Variants in PRKD1 observed in about 807,000 individuals in gnomAD.
The protein encoded by PRKD1 is protein kinase D1, also known as serine/threonine-protein kinase D1.
A neutral mutation model predicts 95.9 loss-of-function variants in PRKD1; 63 were observed. That is an observed-to-expected ratio of 0.66 (90% confidence interval 0.54 to 0.81). PRKD1 has a LOEUF of 0.81. Ranked by LOEUF, PRKD1 falls within the 30% of genes least tolerant of loss-of-function variation. PRKD1 has a pLI of 0.00. For missense variants in PRKD1, 1,048 were observed against 1,165.3 expected (o/e 0.90, Z 1.47); for synonymous variants, 425 against 423.1 (o/e 1.00, Z -0.05).
At chr14:29,798,205 T>C (rs1889893489) in intron 1 of PRKD1, among the ~76,000 whole-genome samples, 1 of 152,230 alleles carries the variant, frequency 6.6e-6, no homozygotes, top group Admixed American at 6.5e-5. Context: ...AATTTGCCCC[T>C]ATATTTTTTT....
intron 1 of PRKD1, among the ~76,000 whole-genome samples, chr14:29,874,230 C>T (rs1295477601): frequency 6.6e-6 from 1 of 152,050 alleles, no homozygotes; most frequent in Non-Finnish European, 1.5e-5. Flanking sequence ...TGAAAAAGTG[C>T]TCAATATCAC....
intron 1 of PRKD1, among the ~76,000 whole-genome samples, chr14:29,851,024 G>A (rs951928160): frequency 2.0e-5 from 3 of 152,096 alleles, no homozygotes; most frequent in African/African-American, 7.2e-5. Context: ...AATAAATGGT[G>A]GTGGCATAAC....
At chr14:29,719,917 G>C (rs528965530) in intron 2 of PRKD1, among the ~76,000 whole-genome samples, 1 of 152,110 alleles carries the variant, frequency 6.6e-6, no homozygotes, top group Non-Finnish European at 1.5e-5. Flanking sequence ...AAAGTATTCC[G>C]TGAGAAAGTG....
intron 1 of PRKD1, among the ~76,000 whole-genome samples, chr14:29,875,604 G>C (rs144395275): frequency 4.9e-4 from 75 of 152,244 alleles, no homozygotes; most frequent in African/African-American, 1.7e-3. Flanking sequence ...TAAATGACAT[G>C]TTAAAGATAA....
In PRKD1 at chr14:29,666,169, G is replaced by T; in HGVS notation, c.443C>A (p.Ala148Asp). 8 of 1,605,614 alleles carry T rather than the reference G, an allele frequency of 5.0e-6. No individual in the cohort carries two copies. The highest frequency in any genetic ancestry group is 6.8e-6 in the Non-Finnish European group (8 of 1,174,194). ...AGCTCTGTATGAATGAACAAAGAGA[G>T]CGTGGGGACGAATCTGAAAGTCTTC... ...TFEDFQIRPHALFVHSYRAPA... is the reference protein window; with the variant it reads ...TFEDFQIRPHDLFVHSYRAPA... Residue 148 changes from alanine (A) to aspartate (D), a missense_variant, in exon 3 of 18, where the codon GCT (alanine) becomes GAT (aspartate). Physicochemically the swap from Ala to Asp is moderately radical, Grantham distance 126 (BLOSUM62 -2). Transcript: ENST00000331968.
At chr14:29,612,182 A>C (rs897394900) in intron 13 of PRKD1, among the ~76,000 whole-genome samples, 5 of 152,230 alleles carry the variant, frequency 3.3e-5, no homozygotes, top group Non-Finnish European at 7.3e-5. Context: ...GTAATACCTT[A>C]CATCTGTATA....
intron 1 of PRKD1, among the ~76,000 whole-genome samples, chr14:29,813,168 T>C (rs1250042781): frequency 6.6e-6 from 1 of 152,108 alleles, no homozygotes; most frequent in Non-Finnish European, 1.5e-5. Flanking sequence ...AAAATATGCA[T>C]TCTAGAAACC....
chr14:29,654,006 G>T (rs912524964), intron 4 of PRKD1, among the ~76,000 whole-genome samples: 8 of 151,832 alleles, frequency 5.3e-5, no homozygotes, highest in South Asian at 2.1e-4. Context: ...GTTGGGAAGA[G>T]TATAAGGAAA....
chr14:29,801,028 A>G (rs1277372500), intron 1 of PRKD1, among the ~76,000 whole-genome samples: 1 of 152,140 alleles, frequency 6.6e-6, no homozygotes, highest in Non-Finnish European at 1.5e-5. Context: ...AACCTGTATC[A>G]GCCCATTAGT....
At chr14:29,655,653 T>G (rs898246289) in intron 4 of PRKD1, among the ~76,000 whole-genome samples, 1 of 152,172 alleles carries the variant, frequency 6.6e-6, no homozygotes, top group African/African-American at 2.4e-5. Context: ...CTCCTCCACG[T>G]TCACATCATT....
At chr14:29,629,768 G>T (rs1169996865) in intron 10 of PRKD1, among the ~76,000 whole-genome samples, 1 of 151,988 alleles carries the variant, frequency 6.6e-6, no homozygotes, top group Non-Finnish European at 1.5e-5. Context: ...AATGAACAGA[G>T]AATTCTTCCT....
chr14:29,613,967 T>C (rs767869290), intron 13 of PRKD1, among the ~76,000 whole-genome samples: 5 of 152,208 alleles, frequency 3.3e-5, no homozygotes, highest in Admixed American at 2.0e-4. Flanking sequence ...ATAATTATAC[T>C]TTGAATGAAT....
At chr14:29,659,083 C>T (rs1882051325) in intron 4 of PRKD1, among the ~76,000 whole-genome samples, 1 of 152,124 alleles carries the variant, frequency 6.6e-6, no homozygotes, top group Non-Finnish European at 1.5e-5. Flanking sequence ...TTTGCATGTG[C>T]ATAAACCCAT....
At chr14:29,618,874 C>T (rs192319541) in intron 13 of PRKD1, among the ~76,000 whole-genome samples, 1 of 151,770 alleles carries the variant, frequency 6.6e-6, no homozygotes, top group Admixed American at 6.6e-5. Flanking sequence ...TTCCCAAGAA[C>T]AGAAACAAAT....
chr14:29,917,830 T>C (rs143758599), intron 1 of PRKD1, among the ~76,000 whole-genome samples: 71 of 152,210 alleles, frequency 4.7e-4, no homozygotes, highest in African/African-American at 1.6e-3. Context: ...CATAACGCAA[T>C]AGGATCCTTA....
chr14:29,619,582 T>C (rs1489629195), intron 13 of PRKD1, among the ~76,000 whole-genome samples: 1 of 152,044 alleles, frequency 6.6e-6, no homozygotes, highest in Non-Finnish European at 1.5e-5. Context: ...ACAAATATAA[T>C]AAATACAATT....
chr14:29,819,119 C>T (rs2139264638), intron 1 of PRKD1, among the ~76,000 whole-genome samples: 1 of 152,138 alleles, frequency 6.6e-6, no homozygotes, highest in South Asian at 2.1e-4. Flanking sequence ...CAGTGTCTGA[C>T]CCAAGGCTGT....
At chr14:29,741,040 C>T (rs898755990) in intron 1 of PRKD1, among the ~76,000 whole-genome samples, 3 of 151,978 alleles carry the variant, frequency 2.0e-5, no homozygotes, top group Non-Finnish European at 4.4e-5. Flanking sequence ...CACTTATAAG[C>T]GGGAGCTAAA....
intron 13 of PRKD1, among the ~76,000 whole-genome samples, chr14:29,605,368 C>A (rs1337378248): frequency 6.6e-6 from 1 of 152,140 alleles, no homozygotes; most frequent in African/African-American, 2.4e-5. Flanking sequence ...ATTTCTCCAG[C>A]TTTGTCTCTT....
Sources: allele counts gnomAD v4.1 joint callset (sites outside exome capture counted in the v4.1 genomes callset), GRCh38; gene constraint gnomAD v4.1.1; transcripts MANE v1.5; gene names NCBI Gene and HGNC (gene_info 2026-07-23, HGNC 2026-07-21).